ITGA1: variants seen among roughly 807,000 people sequenced by gnomAD.
ITGA1 encodes integrin alpha-1.
Under a neutral mutation model 145.9 loss-of-function variants are expected in ITGA1, and 85 were observed. The ratio of observed to expected loss-of-function variants is 0.58; its 90% CI spans 0.49 to 0.70. The LOEUF (loss-of-function observed/expected upper bound fraction) is 0.70, where lower values mean the gene tolerates loss of function less well. Among genes scored for constraint, ITGA1 ranks in the 30% least tolerant of loss-of-function variants. The pLI is 0.00. For missense variants in ITGA1, 1,351 were observed against 1,418.7 expected, an observed-to-expected ratio of 0.95 and a Z score of 0.77; for synonymous variants, 520 against 495.3, an observed-to-expected ratio of 1.05 and a Z score of -0.66.
chr5:52,805,578 G>C (rs1198408416), intron 1 of ITGA1, among the ~76,000 whole-genome samples: 1 of 151,986 alleles, frequency 6.6e-6, no homozygotes, highest in Non-Finnish European at 1.5e-5. Flanking sequence ...TGGTGGGAGA[G>C]ATGATGACAC....
chr5:52,909,198 A>G lies in ITGA1; in HGVS notation c.1599+157A>G, dbSNP rs76192706. Among the ~76,000 whole-genome samples the G allele has an allele frequency of 2.0e-5, 3 of 152,252 alleles. No individual in the cohort carries two copies. The East Asian group carries it at 5.8e-4, about 29-fold the overall frequency. On this transcript the variant is annotated intron_variant, in intron 13 of 28. Coordinates refer to ENST00000282588, the MANE Select transcript of ITGA1 (RefSeq NM_181501.2). ...CCAACCCCTCAGTTTTGAAATGACC[A>G]TTTATAATTCTAATAAAGTAGCTCC...
rs1751333105 is a variant in ITGA1, at chr5:52,958,397, A to G, written c.*5946A>G. 6.6e-6 allele frequency: 1 copy of G among 152,190 alleles called. No homozygotes were observed. Among genetic ancestry groups the G allele is most frequent in the African/African-American group, 2.4e-5 (1 of 41,448 alleles). 9.4% of individuals were successfully genotyped at this position (152,190 alleles called of 1,614,324 possible). ...AAATTGTTGATTAAATAAGAGCAAAACTATATTCTTATGTGTAGATTAACC... is the reference window on the plus strand; with the variant it reads ...AAATTGTTGATTAAATAAGAGCAAAGCTATATTCTTATGTGTAGATTAACC... On this transcript the variant is annotated 3_prime_UTR_variant, in exon 29 of 29. Coordinates refer to ENST00000282588, the MANE Select transcript of ITGA1 (RefSeq NM_181501.2).
At chr5:52,883,383 T>G (rs889219832) in intron 7 of ITGA1, among the ~76,000 whole-genome samples, 1 of 152,242 alleles carries the variant, frequency 6.6e-6, no homozygotes, top group Non-Finnish European at 1.5e-5. Context: ...ACCATGTCCC[T>G]ATGTGTTTTT....
intron 1 of ITGA1, among the ~76,000 whole-genome samples, chr5:52,807,550 A>G (rs545266525): frequency 6.6e-6 from 1 of 152,340 alleles, no homozygotes; most frequent in African/African-American, 2.4e-5. Flanking sequence ...TGGAGTAGGC[A>G]AACATGTATC....
intron 1 of ITGA1, among the ~76,000 whole-genome samples, chr5:52,835,827 G>A (rs1660462888): frequency 6.6e-6 from 1 of 152,176 alleles, no homozygotes; most frequent in Admixed American, 6.5e-5. Flanking sequence ...AGAATATATG[G>A]AATGGTGAGA....
rs766111714 is a variant in ITGA1 at position 52,861,517 on chromosome 5, G to A, written c.253G>A (p.Gly85Arg). Residue 85 changes from glycine to arginine, a missense_variant, in exon 3 of 29, where the codon GGG becomes AGG. By Grantham distance (125) the Gly-to-Arg change is moderately radical. Transcript: ENST00000282588. Reference protein sequence around the residue: ...RTGDVYKCPVGRGESLPCVKL... With the variant: ...RTGDVYKCPVRRGESLPCVKL... ...TGGAGATGTCTATAAGTGTCCAGTTGGGAGAGGTGAATCATTACCTTGTGT... is the reference window on the plus strand; with the variant it reads ...TGGAGATGTCTATAAGTGTCCAGTTAGGAGAGGTGAATCATTACCTTGTGT... 2 of 1,613,790 alleles carry A rather than the reference G, an allele frequency of 1.2e-6. No individual in the cohort carries two copies. Among genetic ancestry groups the A allele is most frequent in the South Asian group, 1.1e-5 (1 of 91,050 alleles).
intron 1 of ITGA1, among the ~76,000 whole-genome samples, chr5:52,844,264 T>C (rs1472458477): frequency 6.6e-6 from 1 of 152,206 alleles, no homozygotes; most frequent in Non-Finnish European, 1.5e-5. Context: ...GCCAGGACTT[T>C]TCTCCTTACT....
At chr5:52,920,594 T>C in intron 17 of ITGA1, 126 bp downstream of exon 17, 2 of 757,886 alleles carry the variant, frequency 2.6e-6, no homozygotes, top group South Asian at 3.6e-5. Context: ...ATAAAGGAAA[T>C]CTTGTTTGTT....
intron 17 of ITGA1, among the ~76,000 whole-genome samples, chr5:52,921,466 A>G (rs1391584007): frequency 1.3e-5 from 2 of 152,180 alleles, no homozygotes; most frequent in East Asian, 3.9e-4. Context: ...TTCTGTCAGG[A>G]CCAAGATCAA....
chr5:52,790,427 A>G (rs1410348190), intron 1 of ITGA1, among the ~76,000 whole-genome samples: 1 of 152,206 alleles, frequency 6.6e-6, no homozygotes, highest in Non-Finnish European at 1.5e-5. Context: ...ACTATTGTAC[A>G]GTTCTGTAGG....
chr5:52,898,442 C>T, intron 11 of ITGA1, 59 bp downstream of exon 11: 1 of 1,405,676 alleles, frequency 7.1e-7, no homozygotes, highest in Non-Finnish European at 9.6e-7. Flanking sequence ...TTACCTTTAG[C>T]ATTATTTGCT....
In ITGA1 at chr5:52,849,475, G is replaced by A; in HGVS notation, c.172G>A (p.Glu58Lys). 1.9e-6 allele frequency: 3 copies of A among 1,601,564 alleles called. No individual in the cohort carries two copies. Among genetic ancestry groups the A allele is most frequent in the Non-Finnish European group, 2.6e-6 (3 of 1,172,342 alleles). ...GYTVQQYENEEGKWVLIGSPL... is the reference protein window; with the variant it reads ...GYTVQQYENEKGKWVLIGSPL... ...TACTGTTCAACAATATGAAAATGAA[G>A]AAGGAAAATGGTAAGCCAGTGGGTT... The change falls in exon 2 of 29, where the codon GAA (glutamate) becomes AAA (lysine). Residue 58 changes from glutamate to lysine, a missense_variant. Coordinates refer to ENST00000282588, the MANE Select transcript of ITGA1 (RefSeq NM_181501.2).
intron 6 of ITGA1, among the ~76,000 whole-genome samples, chr5:52,877,466 G>A (rs946963887): frequency 6.6e-6 from 1 of 152,058 alleles, no homozygotes; most frequent in South Asian, 2.1e-4. Flanking sequence ...CCATAAACAC[G>A]CCCACCAGGG....
At chr5:52,945,752 A>C (rs1054786804) in intron 27 of ITGA1, among the ~76,000 whole-genome samples, 4 of 152,226 alleles carry the variant, frequency 2.6e-5, no homozygotes, top group African/African-American at 9.6e-5. Flanking sequence ...ATAAAATTCA[A>C]TTTGGAAGCT....
At chr5:52,863,114 G>A (rs1272083910) in intron 3 of ITGA1, among the ~76,000 whole-genome samples, 3 of 152,086 alleles carry the variant, frequency 2.0e-5, no homozygotes, top group Admixed American at 2.0e-4. Context: ...TCTGTTATAT[G>A]CCTGTGAATA....
chr5:52,936,669 G>A (rs947698138), intron 23 of ITGA1, among the ~76,000 whole-genome samples: 12 of 152,198 alleles, frequency 7.9e-5, no homozygotes, highest in Non-Finnish European at 1.6e-4. Flanking sequence ...TCTGGATAGT[G>A]AGTTCAGTTT....
intron 3 of ITGA1, chr5:52,863,930 TCTAA>T (rs1229366961): frequency 6.6e-5 from 10 of 152,300 alleles, no homozygotes; most frequent in African/African-American, 2.4e-4. Flanking sequence ...GATCAGGAAG[TCTAA>T]CTGACCATTC....
chr5:52,815,174 A>G (rs567211514), intron 1 of ITGA1, among the ~76,000 whole-genome samples: 7 of 152,282 alleles, frequency 4.6e-5, no homozygotes, highest in Non-Finnish European at 8.8e-5. Flanking sequence ...TAGGCCAAAA[A>G]CATTTAATCA....
At chr5:52,887,287 A>G (rs1003045955) in intron 7 of ITGA1, among the ~76,000 whole-genome samples, 1 of 152,120 alleles carries the variant, frequency 6.6e-6, no homozygotes, top group African/African-American at 2.4e-5. Context: ...GACACTCTCA[A>G]GCACTCACAG....
Sources: allele counts gnomAD v4.1 joint callset (sites outside exome capture counted in the v4.1 genomes callset), GRCh38; gene constraint gnomAD v4.1.1; transcripts MANE v1.5; gene names NCBI Gene and HGNC (gene_info 2026-07-23, HGNC 2026-07-21).